GPATCH11: variants seen among roughly 807,000 people sequenced by gnomAD.
GPATCH11 encodes the protein G-patch domain containing 11.
Under a neutral mutation model 44.8 loss-of-function variants are expected in GPATCH11, and 32 were observed. The ratio of observed to expected loss-of-function variants is 0.71; its 90% confidence interval spans 0.54 to 0.96. The LOEUF (loss-of-function observed/expected upper bound fraction) is 0.96. Ranked by LOEUF, GPATCH11 falls within the 40% of genes least tolerant of loss-of-function variation. The pLI is 0.00. For synonymous variants in GPATCH11, 84 were observed against 94.4 expected (o/e 0.89, Z 0.64); for missense variants, 324 against 303.1 (o/e 1.07, Z -0.51).
At chr2:37,091,818 C>A in intron 4 of GPATCH11, 98 bp from the exon 5 acceptor site, 1 of 1,146,224 alleles carries the variant, frequency 8.7e-7, no homozygotes, top group Non-Finnish European at 1.2e-6. Context: ...AGTGATAGTA[C>A]TCAAATGAGA....
rs368377144 is a variant in GPATCH11 at position 37,095,458 on chromosome 2, T to C, written c.676T>C (p.Leu226=). The C allele has an allele frequency of 2.0e-5, 32 of 1,606,154 alleles. No individual in the cohort carries two copies. The highest frequency in any genetic ancestry group is 9.4e-5 in the African/African-American group (7 of 74,544). ...ATAGGTACTGGAAAAATTACAAATA[T>C]TGACTAGTTATTTAAGAGAAGAACA... ...DLSVLEKLQI[L]TSYLREEHLY... The change falls in exon 8 of 9, where the codon TTG becomes CTG. Residue 226 remains leucine, a synonymous_variant. Coordinates refer to ENST00000674370, the MANE Select transcript of GPATCH11 (RefSeq NM_174931.4).
chr2:37,091,417 G>A lies in GPATCH11; in HGVS notation c.329-499G>A, dbSNP rs562385511. ...CTGCAAAAAATTTAAAAAATTAACCGGGTGTAGTGGCACGCACCTGTAGTC... is the reference window on the plus strand; with the variant it reads ...CTGCAAAAAATTTAAAAAATTAACCAGGTGTAGTGGCACGCACCTGTAGTC... On this transcript the variant is annotated intron_variant, in intron 4 of 8. Transcript: ENST00000674370. Among the ~76,000 whole-genome samples, 69 of 151,712 alleles carry A rather than the reference G, an allele frequency of 4.5e-4. No individual in the cohort carries two copies. In the South Asian group the frequency reaches 0.013, roughly 29 times the overall value.
chr2:37,096,527 A>G lies in GPATCH11; in HGVS notation c.*264A>G, dbSNP rs545061794. On this transcript the variant is annotated 3_prime_UTR_variant, in exon 9 of 9. Coordinates refer to ENST00000674370, the MANE Select transcript of GPATCH11 (RefSeq NM_174931.4). ...ATACGTGAGGGGTTTAAGGACACCA[A>G]CAGGTAACTTCTTATTCCCCTCTTC... The G allele has an allele frequency of 4.5e-5, 16 of 353,854 alleles. No individual in the cohort carries two copies. In the South Asian group the frequency reaches 5.3e-4, roughly 12 times the overall value. 21.9% of individuals were successfully genotyped at this position (353,854 alleles called of 1,614,324 possible).
In GPATCH11 at chr2:37,089,775, T is replaced by G; in HGVS notation, c.195T>G (p.Ile65Met). Residue 65 changes from isoleucine (I) to methionine (M), a missense_variant, in exon 3 of 9, where the codon ATT becomes ATG. Transcript: ENST00000674370. ...AAGAAGAACAAGAAAGACGTGACAT[T>G]GGGTTGAAGAATGCACTAGGCTGTG... The part of the protein sequence containing the change: ...LKEEEQERRD[I>M]GLKNALGCEN... 6.4e-7 allele frequency: 1 copy of G among 1,551,794 alleles called. No homozygotes were observed. The highest frequency in any genetic ancestry group is 2.4e-5 in the East Asian group (1 of 40,910).
In GPATCH11 at chr2:37,089,829, G is replaced by T; in HGVS notation, c.249G>T (p.Lys83Asn). Residue 83 changes from lysine to asparagine, a missense_variant, in exon 3 of 9, where the codon AAG becomes AAT. By Grantham distance (94) the Lys-to-Asn change is moderately conservative (BLOSUM62 0). Coordinates refer to ENST00000674370, the MANE Select transcript of GPATCH11 (RefSeq NM_174931.4). The part of the protein sequence containing the change: ...CENKGFALLQ[K>N]MGYKSGQALG... Reference sequence around the variant, plus strand: ...ACAAAGGGTTTGCCTTGCTCCAAAAGATGGGCTATAAAAGTGGTCAGGCAC... The same window carrying T: ...ACAAAGGGTTTGCCTTGCTCCAAAATATGGGCTATAAAAGTGGTCAGGCAC... The T allele has an allele frequency of 1.3e-6, 2 of 1,551,750 alleles. No individual in the cohort carries two copies. The highest frequency in any genetic ancestry group is 8.7e-7 in the Non-Finnish European group (1 of 1,147,004).
chr2:37,089,666 T>C lies in GPATCH11; in HGVS notation c.86T>C (p.Met29Thr). 6.4e-7 allele frequency: 1 copy of C among 1,550,664 alleles called. No individual in the cohort carries two copies. Among genetic ancestry groups the C allele is most frequent in the Non-Finnish European group, 8.7e-7 (1 of 1,146,868 alleles). The change falls in exon 3 of 9, where the codon ATG becomes ACG. Residue 29 changes from methionine (M) to threonine (T), a missense_variant. Coordinates refer to ENST00000674370, the MANE Select transcript of GPATCH11 (RefSeq NM_174931.4). The part of the protein sequence containing the change: ...VQEDIRPGLP[M>T]LRQIREARRK... ...GAAGATATCAGACCAGGATTGCCAA[T>C]GCTAAGGCAAATCCGAGAAGCCCGT... is the stretch of plus-strand genomic sequence containing the variant.
intron 4 of GPATCH11, among the ~76,000 whole-genome samples, 197 bp downstream of exon 4, chr2:37,090,919 G>T (rs945949459): frequency 1.3e-5 from 2 of 152,096 alleles, no homozygotes; most frequent in Non-Finnish European, 2.9e-5. Flanking sequence ...TAAACCACAC[G>T]AATATGGGAA....
rs923612446 is a variant in GPATCH11, at chr2:37,097,376, G to A, written c.*1113G>A. 6.6e-5 allele frequency: 10 copies of A among 152,186 alleles called. No homozygotes were observed. Among genetic ancestry groups the A allele is most frequent in the African/African-American group, 2.4e-4 (10 of 41,436 alleles). 9.4% of individuals were successfully genotyped at this position (152,186 alleles called of 1,614,324 possible). On this transcript the variant is annotated 3_prime_UTR_variant, in exon 9 of 9. Transcript: ENST00000674370. ...ATACTATGAGAGAGCTCCATCCAGGGTGAGGCATCAAAATCATGAACCTTT... is the reference window on the plus strand; with the variant it reads ...ATACTATGAGAGAGCTCCATCCAGGATGAGGCATCAAAATCATGAACCTTT...
rs1275060280 is a variant in GPATCH11, at chr2:37,099,192, A to G, written c.*2929A>G. The G allele has an allele frequency of 6.6e-6, 1 of 152,244 alleles. No homozygotes were observed. The highest frequency in any genetic ancestry group is 1.5e-5 in the Non-Finnish European group (1 of 68,040). 9.4% of individuals were successfully genotyped at this position (152,244 alleles called of 1,614,324 possible). A position where few individuals can be genotyped will look rare whatever the true frequency, so the allele number is the denominator to read the frequency against. ...CTGTAGTTTCTGAAATTCAAAATAAATACTTTAACATACCAAATTGGTTTT... is the reference window on the plus strand; with the variant it reads ...CTGTAGTTTCTGAAATTCAAAATAAGTACTTTAACATACCAAATTGGTTTT... On this transcript the variant is annotated 3_prime_UTR_variant, in exon 9 of 9. Coordinates refer to ENST00000674370, the MANE Select transcript of GPATCH11 (RefSeq NM_174931.4).
At chr2:37,087,353 G>A (rs1673098954) in intron 1 of GPATCH11, among the ~76,000 whole-genome samples, 1 of 152,188 alleles carries the variant, frequency 6.6e-6, no homozygotes, top group South Asian at 2.1e-4. Flanking sequence ...ACCACAACAA[G>A]TGAATACACT....
chr2:37,090,717 A>G lies in GPATCH11; in HGVS notation c.323A>G (p.Lys108Arg), dbSNP rs999916580. The G allele has an allele frequency of 3.5e-6, 5 of 1,433,102 alleles. No individual in the cohort carries two copies. The highest frequency in any genetic ancestry group is 4.8e-6 in the Non-Finnish European group (5 of 1,043,470). The allele number at this position is 1,433,102 out of a possible 1,614,324, so 88.8% of individuals were successfully genotyped here. The change falls in exon 4 of 9, where the codon AAA becomes AGA. Residue 108 changes from lysine to arginine, a missense_variant. Lys to Arg is a conservative substitution (Grantham distance 26). Transcript: ENST00000674370. Reference sequence around the variant, plus strand: ...GTTGAACCAATTCCTCTCAATATCAAAACAGGTACGTAATTATTTTGGAGC... The same window carrying G: ...GTTGAACCAATTCCTCTCAATATCAGAACAGGTACGTAATTATTTTGGAGC... ...GIVEPIPLNI[K>R]TGKSGIGHEA... is the part of the protein sequence containing the mutation.
At position 37,091,961 on chromosome 2, in the gene GPATCH11, A is replaced by C; in HGVS notation, c.374A>C (p.Glu125Ala). The change falls in exon 5 of 9, where the codon GAG becomes GCG. Residue 125 changes from glutamate to alanine, a missense_variant. Coordinates refer to ENST00000674370, the MANE Select transcript of GPATCH11 (RefSeq NM_174931.4). Reference protein sequence around the residue: ...GHEASLKRKAEEKLESYRKKI... With the variant: ...GHEASLKRKAAEKLESYRKKI... ...GAGGCATCATTAAAACGGAAAGCAG[A>C]GGAAAAATTGGAAAGCTACAGAAAA... 1.2e-6 allele frequency: 2 copies of C among 1,613,302 alleles called. No homozygotes were observed. The highest frequency in any genetic ancestry group is 1.7e-6 in the Non-Finnish European group (2 of 1,179,424).
chr2:37,097,377 T>G lies in GPATCH11; in HGVS notation c.*1114T>G, dbSNP rs934986364. The G allele has an allele frequency of 2.0e-5, 3 of 152,150 alleles. No individual in the cohort carries two copies. The highest frequency in any genetic ancestry group is 7.2e-5 in the African/African-American group (3 of 41,428). 9.4% of individuals were successfully genotyped at this position (152,150 alleles called of 1,614,324 possible). A position where few individuals can be genotyped will look rare whatever the true frequency, so the allele number is the denominator to read the frequency against. ...TACTATGAGAGAGCTCCATCCAGGG[T>G]GAGGCATCAAAATCATGAACCTTTT... On this transcript the variant is annotated 3_prime_UTR_variant, in exon 9 of 9. Coordinates refer to ENST00000674370, the MANE Select transcript of GPATCH11 (RefSeq NM_174931.4).
chr2:37,095,575 T>C, intron 8 of GPATCH11, 57 bp downstream of exon 8: 1 of 1,466,720 alleles, frequency 6.8e-7, no homozygotes, highest in Non-Finnish European at 9.0e-7. Flanking sequence ...AATTTTTAGT[T>C]AAAGTCATTT....
intron 4 of GPATCH11, 45 bp from the exon 5 acceptor site, chr2:37,091,871 G>A (rs1389039460): frequency 6.3e-7 from 1 of 1,575,742 alleles, no homozygotes; most frequent in Admixed American, 1.8e-5. Context: ...TTGTTTTGAA[G>A]CACAAAGTCA....
At chr2:37,088,246 G>A in intron 1 of GPATCH11, 123 bp from the exon 2 acceptor site, 1 of 453,614 alleles carries the variant, frequency 2.2e-6, no homozygotes, top group Non-Finnish European at 4.0e-6. Flanking sequence ...CACAGATAAA[G>A]ATGTCCAAAG....
At chr2:37,095,787 C>CTTTA in intron 8 of GPATCH11, among the ~76,000 whole-genome samples, 1 of 152,158 alleles carries the variant, frequency 6.6e-6, no homozygotes, top group African/African-American at 2.4e-5. Flanking sequence ...ATGTTTTGTG[C>CTTTA]TTTATTTTTA....
intron 2 of GPATCH11, 50 bp from the exon 3 acceptor site, chr2:37,089,588 AAG>A: frequency 3.9e-6 from 5 of 1,278,788 alleles, no homozygotes; most frequent in South Asian, 2.8e-5. Context: ...AAAAAAAAAA[AAG>A]AAAAGAAAAC....
rs1448617519 is a variant in GPATCH11 at position 37,090,830 on chromosome 2, AG to A, written c.328+109del. 6.9e-6 allele frequency: 4 copies of A among 582,362 alleles called. No homozygotes were observed. The African/African-American group carries it at 7.7e-5, about 11-fold the overall frequency. The allele number at this position is 582,362 out of a possible 1,614,324, so 36.1% of individuals were successfully genotyped here. Reference sequence around the variant, plus strand: ...TTTTTTTAAATGATAATACTGTTACAGTTCAGTAAAATTTTGTTAAATTTCT... The same window carrying A: ...TTTTTTTAAATGATAATACTGTTACATTCAGTAAAATTTTGTTAAATTTCT... On this transcript the variant is annotated intron_variant, in intron 4 of 8. Coordinates refer to ENST00000674370, the MANE Select transcript of GPATCH11 (RefSeq NM_174931.4).
Sources: allele counts gnomAD v4.1 joint callset (sites outside exome capture counted in the v4.1 genomes callset), GRCh38; gene constraint gnomAD v4.1.1; transcripts MANE v1.5; gene names NCBI Gene and HGNC (gene_info 2026-07-23, HGNC 2026-07-21).